The following SPSB1 variants were observed in gnomAD, a reference collection of about 807,000 sequenced individuals.
The protein encoded by SPSB1 is splA/ryanodine receptor domain and SOCS box containing 1, also known as SPRY domain-containing SOCS box protein 1.
A neutral mutation model predicts 21.2 loss-of-function variants in SPSB1; 8 were observed. The ratio of observed to expected loss-of-function variants is 0.38; its 90% CI spans 0.22 to 0.68. The LOEUF is 0.68. SPSB1 is among the 30% of genes least tolerant of loss of function. The probability of loss-of-function intolerance (pLI) is 0.53; values close to 1 mark genes in which losing one functional copy is unlikely to be tolerated. For synonymous variants in SPSB1, 169 were observed against 161.7 expected (o/e 1.05, Z -0.34); for missense variants, 242 against 377.8 (o/e 0.64, Z 2.98).
chr1:9,322,795 G>A (rs1639741178), intron 1 of SPSB1, among the ~76,000 whole-genome samples: 1 of 152,194 alleles, frequency 6.6e-6, no homozygotes. Flanking sequence ...CGGTCTGATG[G>A]TCAGCGGGGG....
chr1:9,331,630 C>T (rs1054368791), intron 1 of SPSB1, among the ~76,000 whole-genome samples: 2 of 152,150 alleles, frequency 1.3e-5, no homozygotes, highest in Non-Finnish European at 2.9e-5. Flanking sequence ...CGTGCCTAGC[C>T]GGCACTCATT....
At chr1:9,335,811 A>G (rs1569618726) in intron 1 of SPSB1, among the ~76,000 whole-genome samples, 1 of 152,348 alleles carries the variant, frequency 6.6e-6, no homozygotes, top group Non-Finnish European at 1.5e-5. Context: ...CTGTCTGTGA[A>G]AAAAAGAAAG....
At chr1:9,354,085 G>T (rs1640321497) in intron 1 of SPSB1, among the ~76,000 whole-genome samples, 2 of 152,154 alleles carry the variant, frequency 1.3e-5, no homozygotes, top group South Asian at 4.1e-4. Flanking sequence ...AGGGTCTCGT[G>T]GGGCCTCTTC....
chr1:9,307,683 C>G (rs1215448485), intron 1 of SPSB1, among the ~76,000 whole-genome samples: 3 of 152,208 alleles, frequency 2.0e-5, no homozygotes, highest in Non-Finnish European at 4.4e-5. Flanking sequence ...TCTTTCTGTC[C>G]ATATCCCTCA....
chr1:9,305,612 C>T lies in SPSB1; in HGVS notation c.-150+12541C>T, dbSNP rs892826746. Among the ~76,000 whole-genome samples the T allele has an allele frequency of 6.6e-6, 1 of 152,194 alleles. No individual in the cohort carries two copies. Among genetic ancestry groups the T allele is most frequent in the African/African-American group, 2.4e-5 (1 of 41,454 alleles). ...TGCTGGGGGTGGGGACTCCCCGTCA[C>T]GGAACTAAACTGCCAGGTGTTCCGT... On this transcript the variant is annotated intron_variant, in intron 1 of 2. Transcript: ENST00000328089. The surrounding 1 kb of genome is among the most constrained non-coding windows in gnomAD (Gnocchi z 4.8).
chr1:9,358,970 G>C (rs373274521), intron 2 of SPSB1, among the ~76,000 whole-genome samples: 1 of 152,210 alleles, frequency 6.6e-6, no homozygotes. Context: ...GAGATGGGAG[G>C]TTGGATGCTT....
chr1:9,344,605 G>A (rs1167329494), intron 1 of SPSB1, among the ~76,000 whole-genome samples: 1 of 152,202 alleles, frequency 6.6e-6, no homozygotes, highest in Non-Finnish European at 1.5e-5. Flanking sequence ...CAGCATGTAT[G>A]AAGCTCTTAC....
intron 1 of SPSB1, among the ~76,000 whole-genome samples, chr1:9,303,987 G>A (rs1056498022): frequency 6.6e-6 from 1 of 152,226 alleles, no homozygotes; most frequent in Admixed American, 6.5e-5. Flanking sequence ...AGGTGTGTCT[G>A]TGAGGGTGTT....
At chr1:9,314,455 A>G (rs1639576943) in intron 1 of SPSB1, among the ~76,000 whole-genome samples, 1 of 121,388 alleles carries the variant, frequency 8.2e-6, no homozygotes, top group Non-Finnish European at 1.8e-5. Flanking sequence ...CCGACTGCCA[A>G]CCCACCTTCT....
chr1:9,359,848 G>GC (rs952460059), intron 2 of SPSB1, among the ~76,000 whole-genome samples: 13 of 36,302 alleles, frequency 3.6e-4, no homozygotes, highest in South Asian at 8.3e-4. Flanking sequence ...GATGGAAGCC[G>GC]GGGGGGTGGG....
chr1:9,317,467 G>T lies in SPSB1; in HGVS notation c.-150+24396G>T, dbSNP rs72642738. 0.25 allele frequency among the ~76,000 whole-genome samples: 38,525 copies of T among 151,950 alleles called. 6,149 individuals are homozygous for T. Among genetic ancestry groups the T allele is most frequent in the East Asian group, 0.65 (3,351 of 5,156 alleles). The stretch of plus-strand genomic sequence containing the variant: ...TGTGGTAGAGATTTTCAGACCACCA[G>T]GTGAGAACAGACAGGTTTTTTGTCG... On this transcript the variant is annotated intron_variant, in intron 1 of 2. Transcript: ENST00000328089. This position sits in a 1 kb window ranked among gnomAD's most constrained non-coding sequence, Gnocchi z 4.3.
intron 1 of SPSB1, among the ~76,000 whole-genome samples, chr1:9,311,348 G>A (rs963419050): frequency 3.9e-5 from 6 of 152,032 alleles, no homozygotes; most frequent in Admixed American, 1.3e-4. Flanking sequence ...GGGTCTCGGC[G>A]TGGCTGAGGT....
At position 9,368,285 on chromosome 1, in the gene SPSB1, G is replaced by A. The variant is rs1640610455; in HGVS notation, c.*710G>A. ...CTGTTCTGTTACTTTCCTTCCACCT[G>A]TGCCCTCCCTGGGATATGTATGCCT... is the stretch of plus-strand genomic sequence containing the variant. On this transcript the variant is annotated 3_prime_UTR_variant, in exon 3 of 3. Coordinates refer to ENST00000328089, the MANE Select transcript of SPSB1 (RefSeq NM_025106.4). 1 of 152,542 alleles carries A rather than the reference G, an allele frequency of 6.6e-6. No individual in the cohort carries two copies. The highest frequency in any genetic ancestry group is 2.1e-4 in the South Asian group (1 of 4,830). The allele number at this position is 152,542 out of a possible 1,614,324, so 9.4% of individuals were successfully genotyped here.
chr1:9,362,813 C>T (rs751023957), intron 2 of SPSB1, among the ~76,000 whole-genome samples: 1 of 152,246 alleles, frequency 6.6e-6, no homozygotes, highest in Non-Finnish European at 1.5e-5. Context: ...CAGGCTTCTG[C>T]TCCCAGAAAT....
chr1:9,360,107 T>C (rs1401217232), intron 2 of SPSB1, among the ~76,000 whole-genome samples: 2 of 152,010 alleles, frequency 1.3e-5, no homozygotes, highest in Non-Finnish European at 2.9e-5. Flanking sequence ...TGTCTGCACA[T>C]AGGCGACTTC....
chr1:9,369,205 GTTTT>G lies in SPSB1; in HGVS notation c.*1637_*1640del, dbSNP rs112184797. On this transcript the variant is annotated 3_prime_UTR_variant, in exon 3 of 3. Transcript: ENST00000328089. ...ACATTACCCCCTTATTATTTTGACGGTTTTTTTTTTCGGGGCAGGGGACCTTACC... is the reference window on the plus strand; with the variant it reads ...ACATTACCCCCTTATTATTTTGACGGTTTTTTCGGGGCAGGGGACCTTACC... 1.1e-4 allele frequency: 17 copies of G among 149,136 alleles called. No individual in the cohort carries two copies. Among genetic ancestry groups the G allele is most frequent in the African/African-American group, 4.2e-4 (17 of 40,660 alleles). 9.2% of individuals were successfully genotyped at this position (149,136 alleles called of 1,614,324 possible). A position where few individuals can be genotyped will look rare whatever the true frequency, so the allele number is the denominator to read the frequency against.
At chr1:9,313,173 G>A (rs1356495298) in intron 1 of SPSB1, among the ~76,000 whole-genome samples, 1 of 152,146 alleles carries the variant, frequency 6.6e-6, no homozygotes, top group Non-Finnish European at 1.5e-5. Context: ...GAGGCGGGTG[G>A]ATCACCCAAG....
intron 2 of SPSB1, among the ~76,000 whole-genome samples, chr1:9,360,693 C>T (rs1640457888): frequency 1.3e-5 from 2 of 152,226 alleles, no homozygotes; most frequent in Non-Finnish European, 2.9e-5. Context: ...TCTCCGTGGC[C>T]CCTCCTCTTC....
At chr1:9,310,419 A>C (rs1639497866) in intron 1 of SPSB1, among the ~76,000 whole-genome samples, 1 of 152,234 alleles carries the variant, frequency 6.6e-6, no homozygotes, top group African/African-American at 2.4e-5. Flanking sequence ...AGGGCCGGGC[A>C]CAGTAGCTCA....
Sources: gnomAD v4.1 joint callset for allele counts (sites outside exome capture counted in the v4.1 genomes callset) on GRCh38, gnomAD v4.1.1 for gene constraint, Gnocchi (gnomAD v3.1) non-coding constraint, MANE v1.5 for transcripts, NCBI Gene and HGNC (gene_info 2026-07-23, HGNC 2026-07-21) for gene names.